TAF2: variants seen among roughly 807,000 people sequenced by gnomAD.
TAF2 encodes the protein TATA-box binding protein associated factor 2.
A neutral mutation model predicts 138.5 loss-of-function variants in TAF2; 61 were observed. The ratio of observed to expected loss-of-function variants is 0.44; its 90% CI spans 0.36 to 0.54. The LOEUF (loss-of-function observed/expected upper bound fraction) is 0.54. Among genes scored for constraint, TAF2 ranks in the 20% least tolerant of loss-of-function variants. The pLI is 0.00. For synonymous variants in TAF2, 475 were observed against 469.9 expected (o/e 1.01, Z -0.14); for missense variants, 1,090 against 1,427.9 (o/e 0.76, Z 3.81).
intron 18 of TAF2, among the ~76,000 whole-genome samples, chr8:119,765,841 G>C (rs1273273623): frequency 1.3e-5 from 2 of 152,158 alleles, no homozygotes; most frequent in Non-Finnish European, 2.9e-5. Context: ...ATATTATCTT[G>C]TGTAATCTCC....
intron 14 of TAF2, 131 bp downstream of exon 14, chr8:119,788,201 ATGTTCT>A (rs1823161731): frequency 9.8e-6 from 7 of 717,822 alleles, no homozygotes; most frequent in African/African-American, 3.5e-5. Flanking sequence ...ACAAACCTGC[ATGTTCT>A]GCACATGTAT....
intron 2 of TAF2, among the ~76,000 whole-genome samples, chr8:119,825,946 C>T (rs1224043493): frequency 6.6e-6 from 1 of 151,760 alleles, no homozygotes; most frequent in Non-Finnish European, 1.5e-5. Context: ...CCCGCCTCGG[C>T]CTCCCAAAGT....
In TAF2 at chr8:119,776,215, T is replaced by C. The variant is rs527877018; in HGVS notation, c.2364+1804A>G. Among the ~76,000 whole-genome samples, 16 of 152,228 alleles carry C rather than the reference T, an allele frequency of 1.1e-4. No homozygotes were observed. The South Asian group carries it at 1.2e-3, about 12-fold the overall frequency. ...TTAAACAACGTCAAGAAAAAATGAA[T>C]TAATGTATTCTTTTACAATGTTAAT... On this transcript the variant is annotated intron_variant, in intron 18 of 25. Transcript: ENST00000378164.
Position 119,748,680 on chromosome 8 carries a change from A to G in TAF2, c.2879-1746T>C, listed in dbSNP as rs2131016250. On this transcript the variant is annotated intron_variant, in intron 22 of 25. Transcript: ENST00000378164. ...ATAGCTTGAGGTAGTATTATTTTGTAGGCATTCATTTCTCCTCCTCAAAGC... is the reference window on the plus strand; with the variant it reads ...ATAGCTTGAGGTAGTATTATTTTGTGGGCATTCATTTCTCCTCCTCAAAGC... Among the ~76,000 whole-genome samples the G allele has an allele frequency of 3.3e-5, 5 of 152,254 alleles. No individual in the cohort carries two copies. In the South Asian group the frequency reaches 1.0e-3, roughly 32 times the overall value.
intron 3 of TAF2, among the ~76,000 whole-genome samples, chr8:119,814,669 G>A (rs542065274): frequency 1.9e-4 from 28 of 148,862 alleles, no homozygotes; most frequent in African/African-American, 6.5e-4. Flanking sequence ...TGAGACAGGC[G>A]GATCACGAGG....
chr8:119,776,684 G>C (rs1822269290), intron 18 of TAF2, among the ~76,000 whole-genome samples: 1 of 151,900 alleles, frequency 6.6e-6, no homozygotes, highest in South Asian at 2.1e-4. Flanking sequence ...GTGAGACTCT[G>C]TCTCAAAAAA....
At chr8:119,740,114 C>T (rs1268958925) in intron 25 of TAF2, among the ~76,000 whole-genome samples, 1 of 152,050 alleles carries the variant, frequency 6.6e-6, no homozygotes, top group Non-Finnish European at 1.5e-5. Context: ...AAGGTGGCTG[C>T]CATGGTAAGA....
chr8:119,808,141 A>G (rs1824791961), intron 3 of TAF2, among the ~76,000 whole-genome samples: 1 of 152,202 alleles, frequency 6.6e-6, no homozygotes, highest in African/African-American at 2.4e-5. Flanking sequence ...ACAACTACAA[A>G]GCACAGAGTT....
intron 23 of TAF2, 113 bp downstream of exon 23, chr8:119,746,592 C>T: frequency 8.8e-7 from 1 of 1,135,054 alleles, no homozygotes; most frequent in East Asian, 2.4e-5. Flanking sequence ...TTTAAAAGGA[C>T]ACAAGAAACT....
At chr8:119,830,293 G>T (rs1457154516) in intron 2 of TAF2, among the ~76,000 whole-genome samples, 1 of 150,118 alleles carries the variant, frequency 6.7e-6, no homozygotes, top group Non-Finnish European at 1.5e-5. Flanking sequence ...TGAAGATTAA[G>T]TGAGTTAATA....
chr8:119,829,458 C>A (rs548244441), intron 2 of TAF2, among the ~76,000 whole-genome samples: 5 of 152,096 alleles, frequency 3.3e-5, no homozygotes, highest in African/African-American at 4.8e-5. Context: ...GGTTCCTCCA[C>A]CTCATGTTGG....
rs964072847 is a variant in TAF2 at position 119,732,483 on chromosome 8, A to G, written c.3338-297T>C. Among the ~76,000 whole-genome samples the G allele has an allele frequency of 9.2e-5, 14 of 152,290 alleles. No individual in the cohort carries two copies. The East Asian group carries it at 2.7e-3, about 29-fold the overall frequency. On this transcript the variant is annotated intron_variant, in intron 25 of 25. Transcript: ENST00000378164. ...TATTTTCTAAGTATTATGAAAAAAC[A>G]ATATTACACACGGTGTTATAGGTTA...
chr8:119,778,269 C>G (rs184907977), intron 17 of TAF2, 140 bp from the exon 18 acceptor site: 2 of 581,294 alleles, frequency 3.4e-6, no homozygotes, highest in East Asian at 2.9e-5. Context: ...CACACCCCAA[C>G]CCCTCCCACT....
At position 119,789,047 on chromosome 8, in the gene TAF2, C is replaced by T. The variant is rs1443505385; in HGVS notation, c.1569-143G>A. On this transcript the variant is annotated intron_variant, in intron 12 of 25. Coordinates refer to ENST00000378164, the MANE Select transcript of TAF2 (RefSeq NM_003184.4). ...GCATACGCTACAGTAAACCAGGTGG[C>T]AAAGTATTCAAAGTACTTGTGAAAA... The T allele has an allele frequency of 1.7e-5, 11 of 630,126 alleles. No individual in the cohort carries two copies. In the East Asian group the frequency reaches 2.8e-4, roughly 16 times the overall value. The allele number at this position is 630,126 out of a possible 1,614,324, so 39.0% of individuals were successfully genotyped here.
intron 2 of TAF2, among the ~76,000 whole-genome samples, chr8:119,820,941 C>T (rs1002239555): frequency 6.6e-6 from 1 of 152,202 alleles, no homozygotes; most frequent in Non-Finnish European, 1.5e-5. Flanking sequence ...GCATATCTGT[C>T]ATCCAATGAC....
intron 6 of TAF2, among the ~76,000 whole-genome samples, chr8:119,798,583 A>C (rs566171873): frequency 1.3e-5 from 2 of 152,234 alleles, no homozygotes; most frequent in Non-Finnish European, 2.9e-5. Flanking sequence ...CTTTTGGTAC[A>C]GGAAAAGAGA....
Position 119,762,414 on chromosome 8 carries a change from C to A in TAF2, c.2558+1G>T. The A allele has an allele frequency of 6.2e-7, 1 of 1,613,096 alleles. No individual in the cohort carries two copies. Among genetic ancestry groups the A allele is most frequent in the Non-Finnish European group, 8.5e-7 (1 of 1,179,334 alleles). ...CTTTAAAGTAAGGAATTTAATCATA[C>A]CTGACAGTGATGGTATGCCTGTAAC... On this transcript the variant is annotated splice_donor_variant, in intron 19 of 25. Coordinates refer to ENST00000378164, the MANE Select transcript of TAF2 (RefSeq NM_003184.4). LOFTEE classifies it high-confidence loss of function.
At chr8:119,763,942 AG>A (rs1196099240) in intron 18 of TAF2, among the ~76,000 whole-genome samples, 1 of 152,038 alleles carries the variant, frequency 6.6e-6, no homozygotes, top group Non-Finnish European at 1.5e-5. Flanking sequence ...TGAGGTCAGG[AG>A]TTTGAGACCA....
chr8:119,811,117 T>A (rs1347854480), intron 3 of TAF2, among the ~76,000 whole-genome samples: 2 of 152,110 alleles, frequency 1.3e-5, no homozygotes, highest in Non-Finnish European at 2.9e-5. Context: ...ACCTCTACCA[T>A]CCCCATCTCC....
Sources: allele counts gnomAD v4.1 joint callset (sites outside exome capture counted in the v4.1 genomes callset), GRCh38; gene constraint gnomAD v4.1.1; transcripts MANE v1.5; gene names NCBI Gene and HGNC (gene_info 2026-07-23, HGNC 2026-07-21).